CUBN: variants seen among roughly 807,000 people sequenced by gnomAD.
CUBN encodes the protein 460 kDa receptor.
Under a neutral mutation model 405.3 loss-of-function variants are expected in CUBN, and 282 were observed. The observed-to-expected ratio is 0.70, with a 90% CI of 0.63 to 0.77. CUBN has a LOEUF of 0.77. Ranked by LOEUF, CUBN falls within the 30% of genes least tolerant of loss-of-function variation. The pLI is 0.00. For missense variants in CUBN, 4,514 were observed against 4,475.2 expected (o/e 1.01, Z -0.25); for synonymous variants, 1,684 against 1,617.0 (o/e 1.04, Z -0.99).
intron 28 of CUBN, among the ~76,000 whole-genome samples, chr10:16,996,832 A>G (rs1016496888): frequency 2.0e-5 from 3 of 152,234 alleles, no homozygotes; most frequent in African/African-American, 7.2e-5. Context: ...CTAAAGCCCA[A>G]AGAGGATGGC....
At position 17,100,154 on chromosome 10, in the gene CUBN, G is replaced by C; in HGVS notation, c.1616C>G (p.Ser539Cys). 6.2e-7 allele frequency: 1 copy of C among 1,613,926 alleles called. No homozygotes were observed. Among genetic ancestry groups the C allele is most frequent in the Non-Finnish European group, 8.5e-7 (1 of 1,179,894 alleles). Residue 539 changes from serine to cysteine, a missense_variant, in exon 14 of 67, where the codon TCC (serine) becomes TGC (cysteine). This residue lies in a region of CUBN where 1,448 missense variants were observed against 1,388.0 expected (regional missense o/e 1.04). Transcript: ENST00000377833. ...HEFLQVYDGDSSSAFQLGRFC... is the reference protein window; with the variant it reads ...HEFLQVYDGDCSSAFQLGRFC... ...TCTTCCAAGTTGAAAAGCAGAAGAG[G>C]AATCTCCATCATAAACCTGAAGAAA...
chr10:16,909,751 C>T (rs1841667809), intron 48 of CUBN, among the ~76,000 whole-genome samples: 1 of 152,208 alleles, frequency 6.6e-6, no homozygotes, highest in African/African-American at 2.4e-5. Flanking sequence ...TCCTCTAATC[C>T]CTTTTGTACT....
chr10:16,913,698 T>A, intron 48 of CUBN, 113 bp downstream of exon 48: 1 of 1,164,128 alleles, frequency 8.6e-7, no homozygotes, highest in Non-Finnish European at 1.3e-6. Context: ...TTTGTCTGAG[T>A]TATAGTTGCA....
chr10:17,102,988 C>T (rs958952843), intron 13 of CUBN, 137 bp downstream of exon 13: 1 of 677,618 alleles, frequency 1.5e-6, no homozygotes, highest in Non-Finnish European at 2.6e-6. Context: ...AAAATAATGG[C>T]ACTCCGTACT....
chr10:17,043,436 C>T (rs887269113), intron 26 of CUBN, among the ~76,000 whole-genome samples: 1 of 152,168 alleles, frequency 6.6e-6, no homozygotes, highest in African/African-American at 2.4e-5. Context: ...ATAATGTACA[C>T]TGCAAGATTG....
chr10:16,835,130 C>T lies in CUBN; in HGVS notation c.10246G>A (p.Asp3416Asn), dbSNP rs1249826348. ...LRSPGWPDNYDNDKDCTVTLT... is the reference protein window; with the variant it reads ...LRSPGWPDNYNNDKDCTVTLT... ...GTAACGGTGCAATCCTTGTCATTGTCGTAGTTATCTGGCCATCCAGGGCTT... is the reference window on the plus strand; with the variant it reads ...GTAACGGTGCAATCCTTGTCATTGTTGTAGTTATCTGGCCATCCAGGGCTT... The change falls in exon 64 of 67, where the codon GAC (aspartate) becomes AAC (asparagine). Residue 3416 changes from aspartate to asparagine, a missense_variant. This residue lies in a region of CUBN where 1,186 missense variants were observed against 1,186.9 expected (regional missense o/e 1.00). Coordinates refer to ENST00000377833, the MANE Select transcript of CUBN (RefSeq NM_001081.4). The T allele has an allele frequency of 6.8e-6, 11 of 1,613,994 alleles. No individual in the cohort carries two copies. The highest frequency in any genetic ancestry group is 3.3e-5 in the South Asian group (3 of 91,082).
intron 28 of CUBN, among the ~76,000 whole-genome samples, chr10:17,018,564 T>C (rs60015357): frequency 6.6e-6 from 1 of 151,890 alleles, no homozygotes; most frequent in Non-Finnish European, 1.5e-5. Context: ...AGCAGCAAGA[T>C]TCATTGTGAA....
intron 51 of CUBN, among the ~76,000 whole-genome samples, chr10:16,903,417 A>G (rs1841455702): frequency 1.3e-5 from 2 of 152,094 alleles, no homozygotes; most frequent in South Asian, 4.1e-4. Context: ...TGGTGGCCCT[A>G]GCTAGCAAAA....
chr10:16,829,541 T>C (rs1838911186), intron 65 of CUBN, among the ~76,000 whole-genome samples: 1 of 152,156 alleles, frequency 6.6e-6, no homozygotes. Context: ...AATGACTTCA[T>C]TATAAAAGTG....
At chr10:17,018,308 G>A (rs370060422) in intron 28 of CUBN, among the ~76,000 whole-genome samples, 9 of 152,190 alleles carry the variant, frequency 5.9e-5, no homozygotes, top group Non-Finnish European at 1.2e-4. Flanking sequence ...AAATGTGTCC[G>A]GAATTTATTC....
intron 43 of CUBN, among the ~76,000 whole-genome samples, chr10:16,924,887 T>C (rs1007240140): frequency 2.0e-5 from 3 of 152,170 alleles, no homozygotes; most frequent in African/African-American, 7.2e-5. Context: ...AATGTTTCTG[T>C]AACTAGAATT....
chr10:17,114,925 G>A (rs902313865), intron 7 of CUBN, among the ~76,000 whole-genome samples: 1 of 152,186 alleles, frequency 6.6e-6, no homozygotes, highest in African/African-American at 2.4e-5. Context: ...TTATCTCAGA[G>A]AGAGTCATGA....
intron 35 of CUBN, among the ~76,000 whole-genome samples, 159 bp downstream of exon 35, chr10:16,948,318 TG>T (rs1268122716): frequency 1.3e-5 from 2 of 152,184 alleles, no homozygotes; most frequent in African/African-American, 4.8e-5. Flanking sequence ...TTGCTAGAAT[TG>T]ACAACACGAT....
chr10:16,942,504 G>A (rs10904841), intron 36 of CUBN, among the ~76,000 whole-genome samples: 9,840 of 152,160 alleles, frequency 0.065, 513 homozygotes, highest in East Asian at 0.2. Context: ...AGTCATTAGA[G>A]AAATGCAAAT....
intron 22 of CUBN, among the ~76,000 whole-genome samples, chr10:17,063,254 C>T (rs953581069): frequency 1.3e-5 from 2 of 152,206 alleles, no homozygotes; most frequent in Non-Finnish European, 2.9e-5. Flanking sequence ...CATCTGATTG[C>T]TATTTAGAAT....
intron 28 of CUBN, among the ~76,000 whole-genome samples, chr10:17,016,960 A>T (rs1412096466): frequency 6.6e-6 from 1 of 152,158 alleles, no homozygotes; most frequent in Non-Finnish European, 1.5e-5. Context: ...TGTAATTTAT[A>T]CTTCCCTCAG....
At chr10:17,051,716 T>C (rs1379485832) in intron 22 of CUBN, among the ~76,000 whole-genome samples, 1 of 151,820 alleles carries the variant, frequency 6.6e-6, no homozygotes, top group African/African-American at 2.4e-5. Flanking sequence ...GTCAGTAAAC[T>C]TTAATATGTA....
rs192721066 is a variant in CUBN at position 17,103,677 on chromosome 10, T to A, written c.1418-440A>T. ...AGGGTCTACTATTGTCCTAAACATA[T>A]AACAACAACCTCTCAATAAATGTGT... On this transcript the variant is annotated intron_variant, in intron 12 of 66. Coordinates refer to ENST00000377833, the MANE Select transcript of CUBN (RefSeq NM_001081.4). 3.3e-5 allele frequency among the ~76,000 whole-genome samples: 5 copies of A among 152,334 alleles called. No individual in the cohort carries two copies. In the East Asian group the frequency reaches 9.7e-4, roughly 29 times the overall value.
intron 40 of CUBN, among the ~76,000 whole-genome samples, chr10:16,931,122 A>G (rs1432960989): frequency 6.6e-6 from 1 of 151,620 alleles, no homozygotes; most frequent in African/African-American, 2.4e-5. Flanking sequence ...AAATTAGCTG[A>G]GTGCGGTGGC....
Sources: allele counts gnomAD v4.1 joint callset (sites outside exome capture counted in the v4.1 genomes callset), GRCh38; gene constraint gnomAD v4.1.1; regional missense constraint gnomAD v4.1.1; transcripts MANE v1.5; gene names NCBI Gene and HGNC (gene_info 2026-07-23, HGNC 2026-07-21).